AUTS2: variants seen among roughly 807,000 people sequenced by gnomAD.
AUTS2 encodes activator of transcription and developmental regulator AUTS2.
AUTS2 carries 17 observed loss-of-function variants against 112.4 expected under a neutral mutation model. The observed-to-expected ratio is 0.15, with a 90% CI of 0.10 to 0.23. AUTS2 has a LOEUF of 0.23. AUTS2 is among the 10% of genes least tolerant of loss of function. AUTS2 has a pLI of 1.00. For missense variants in AUTS2, 1,510 were observed against 1,701.6 expected, an observed-to-expected ratio of 0.89 and a Z score of 1.98; for synonymous variants, 751 against 702.7, an observed-to-expected ratio of 1.07 and a Z score of -1.09.
At chr7:70,475,576 T>A (rs1454285039) in intron 5 of AUTS2, among the ~76,000 whole-genome samples, 1 of 152,180 alleles carries the variant, frequency 6.6e-6, no homozygotes, top group African/African-American at 2.4e-5. Context: ...GTGCCTCACA[T>A]AGAGTGGTGC....
At chr7:70,475,768 A>G (rs1254138624) in intron 5 of AUTS2, among the ~76,000 whole-genome samples, 3 of 152,176 alleles carry the variant, frequency 2.0e-5, no homozygotes, top group Non-Finnish European at 4.4e-5. Context: ...GCCAGGGACC[A>G]TGGCTTCCTA....
At chr7:70,023,750 T>C (rs1800390344) in intron 2 of AUTS2, among the ~76,000 whole-genome samples, 1 of 152,202 alleles carries the variant, frequency 6.6e-6, no homozygotes, top group Non-Finnish European at 1.5e-5. Context: ...TCCTCTGCTA[T>C]GGAGTAGCTG....
chr7:70,109,532 A>C (rs1347285780), intron 2 of AUTS2, among the ~76,000 whole-genome samples: 1 of 152,148 alleles, frequency 6.6e-6, no homozygotes, highest in African/African-American at 2.4e-5. Context: ...TTGGTCAAAA[A>C]TTTAAAAATT....
intron 4 of AUTS2, among the ~76,000 whole-genome samples, chr7:70,278,731 C>T (rs1208205352): frequency 6.6e-6 from 1 of 152,110 alleles, no homozygotes; most frequent in African/African-American, 2.4e-5. Flanking sequence ...GTAAGATTGT[C>T]ATTAAAGGAA....
intron 6 of AUTS2, among the ~76,000 whole-genome samples, chr7:70,706,857 T>C (rs1210201838): frequency 6.6e-6 from 1 of 152,214 alleles, no homozygotes; most frequent in Non-Finnish European, 1.5e-5. Flanking sequence ...GAAGCATGAT[T>C]GCTGTAAAAC....
At chr7:70,326,054 C>CCAGGTCAGCACAG (rs1364028087) in intron 4 of AUTS2, among the ~76,000 whole-genome samples, 1 of 152,200 alleles carries the variant, frequency 6.6e-6, no homozygotes, top group Non-Finnish European at 1.5e-5. Flanking sequence ...GGACCAGCCT[C>CCAGGTCAGCACAG]CAGGTCAGCA....
intron 6 of AUTS2, among the ~76,000 whole-genome samples, chr7:70,704,153 A>T (rs1809612512): frequency 1.3e-5 from 2 of 152,142 alleles, no homozygotes; most frequent in African/African-American, 4.8e-5. Context: ...TCTCCCGAAA[A>T]TTTTCCAATA....
At chr7:70,442,734 C>G (rs1441450547) in intron 5 of AUTS2, among the ~76,000 whole-genome samples, 1 of 152,136 alleles carries the variant, frequency 6.6e-6, no homozygotes, top group African/African-American at 2.4e-5. Flanking sequence ...GTGACCGGCC[C>G]ATATTGGCCT....
chr7:69,640,373 C>A (rs2129117937), intron 1 of AUTS2, among the ~76,000 whole-genome samples: 1 of 152,286 alleles, frequency 6.6e-6, no homozygotes, highest in Non-Finnish European at 1.5e-5. Context: ...GGGGCTTTGT[C>A]TCTCTTAAGT....
rs372613668 is a variant in AUTS2 at position 70,555,368 on chromosome 7, G to T, written c.690+119587G>T. ...GAAATAGTGAGTTAAAGTTAGACAGGTTGCTTTCATTGGTAGCTCATGCTT... is the reference window on the plus strand; with the variant it reads ...GAAATAGTGAGTTAAAGTTAGACAGTTTGCTTTCATTGGTAGCTCATGCTT... On this transcript the variant is annotated intron_variant, in intron 5 of 18. Coordinates refer to ENST00000342771, the MANE Select transcript of AUTS2 (RefSeq NM_015570.4). 8.5e-5 allele frequency among the ~76,000 whole-genome samples: 13 copies of T among 152,324 alleles called. No individual in the cohort carries two copies. In the East Asian group the frequency reaches 2.3e-3, roughly 27 times the overall value.
chr7:70,446,242 T>C (rs992519441), intron 5 of AUTS2, among the ~76,000 whole-genome samples: 2 of 152,206 alleles, frequency 1.3e-5, no homozygotes, highest in African/African-American at 2.4e-5. Context: ...GCCCAAATGA[T>C]AGTAAATACC....
intron 3 of AUTS2, chr7:70,120,390 CTGTG>C (rs1392225321): frequency 6.6e-6 from 1 of 151,938 alleles, no homozygotes; most frequent in African/African-American, 2.4e-5. Context: ...GTGTGTGTTT[CTGTG>C]TGTAAGAATA....
At chr7:69,802,487 G>C (rs987409384) in intron 1 of AUTS2, among the ~76,000 whole-genome samples, 2 of 152,132 alleles carry the variant, frequency 1.3e-5, no homozygotes, top group Non-Finnish European at 2.9e-5. Context: ...CTCCTTGATG[G>C]CTTCCTTATC....
At chr7:70,112,079 T>G (rs1467110152) in intron 2 of AUTS2, among the ~76,000 whole-genome samples, 4 of 151,976 alleles carry the variant, frequency 2.6e-5, no homozygotes, top group Admixed American at 1.3e-4. Flanking sequence ...GGCCATTTAT[T>G]TCTATTCTTT....
At chr7:69,784,048 C>T (rs1408798149) in intron 1 of AUTS2, among the ~76,000 whole-genome samples, 5 of 152,132 alleles carry the variant, frequency 3.3e-5, no homozygotes, top group African/African-American at 4.8e-5. Context: ...TCCCCAGATA[C>T]GTGGGCATGC....
At chr7:70,455,161 C>T (rs1447245286) in intron 5 of AUTS2, among the ~76,000 whole-genome samples, 2 of 152,294 alleles carry the variant, frequency 1.3e-5, no homozygotes, top group Non-Finnish European at 2.9e-5. Context: ...GTTCTCACTC[C>T]TGAATGTAAT....
At chr7:69,890,596 T>A (rs931241201) in intron 1 of AUTS2, among the ~76,000 whole-genome samples, 3 of 152,004 alleles carry the variant, frequency 2.0e-5, no homozygotes, top group Non-Finnish European at 4.4e-5. Flanking sequence ...TGGGAGGGGA[T>A]GTAGCCAAAC....
At chr7:69,760,228 G>T (rs1788125768) in intron 1 of AUTS2, among the ~76,000 whole-genome samples, 1 of 142,592 alleles carries the variant, frequency 7.0e-6, no homozygotes, top group Admixed American at 7.0e-5. Context: ...TAGAGATAGG[G>T]TTTTCCATGT....
intron 2 of AUTS2, among the ~76,000 whole-genome samples, chr7:70,081,134 T>C (rs534396880): frequency 5.4e-4 from 82 of 152,272 alleles, no homozygotes; most frequent in African/African-American, 1.8e-3. Context: ...AGCCTTTATT[T>C]TGCATTGCTC....
Sources: gnomAD v4.1 joint callset for allele counts (sites outside exome capture counted in the v4.1 genomes callset) on GRCh38, gnomAD v4.1.1 for gene constraint, MANE v1.5 for transcripts, NCBI Gene and HGNC (gene_info 2026-07-23, HGNC 2026-07-21) for gene names.